POU6F2: variants seen among roughly 807,000 people sequenced by gnomAD.
The protein encoded by POU6F2 is POU domain, class 6, transcription factor 2.
In POU6F2, 31 loss-of-function variants were observed where a neutral mutation model predicts 71.3. The observed-to-expected ratio is 0.43, with a 90% CI of 0.33 to 0.59. The LOEUF (loss-of-function observed/expected upper bound fraction) is 0.59, where lower values mean the gene tolerates loss of function less well. Ranked by LOEUF, POU6F2 falls within the 20% of genes least tolerant of loss-of-function variation. The pLI, the probability that POU6F2 is intolerant of heterozygous loss-of-function variation, is 0.04. For missense variants in POU6F2, 783 were observed against 856.8 expected, an observed-to-expected ratio of 0.91 and a Z score of 1.07; for synonymous variants, 347 against 355.7, an observed-to-expected ratio of 0.98 and a Z score of 0.27.
intron 2 of POU6F2, among the ~76,000 whole-genome samples, chr7:39,109,674 A>C (rs1471491529): frequency 6.6e-6 from 1 of 152,226 alleles, no homozygotes; most frequent in African/African-American, 2.4e-5. Context: ...TGGTGGAATA[A>C]ATATTAGAGC....
chr7:39,219,855 C>CAT (rs147913750), intron 4 of POU6F2, among the ~76,000 whole-genome samples: 51 of 151,628 alleles, frequency 3.4e-4, no homozygotes, highest in South Asian at 1.0e-3. Context: ...CTTAGCAGAA[C>CAT]ATATATATAT....
intron 4 of POU6F2, among the ~76,000 whole-genome samples, chr7:39,251,202 A>G (rs1041718284): frequency 4.6e-5 from 7 of 152,278 alleles, no homozygotes; most frequent in African/African-American, 1.4e-4. Context: ...AATTCTTTTA[A>G]TGTTTCCCCT....
intron 1 of POU6F2, among the ~76,000 whole-genome samples, chr7:39,051,892 T>C (rs977384069): frequency 6.6e-6 from 1 of 152,148 alleles, no homozygotes; most frequent in African/African-American, 2.4e-5. Context: ...GCTGAGGGTG[T>C]CCTTGTCATG....
intron 4 of POU6F2, among the ~76,000 whole-genome samples, chr7:39,290,727 C>G (rs1784738744): frequency 6.6e-6 from 1 of 152,146 alleles, no homozygotes; most frequent in Admixed American, 6.5e-5. Context: ...TCCTGAGATG[C>G]TCTGCAGGAC....
rs370493665 is a variant in POU6F2, at chr7:39,158,736, T to C, written c.278-45499T>C. ...ACCAATTGGATGGTGCCCACCCACA[T>C]TGGATGAGGATGGATCTTCCTTACT... On this transcript the variant is annotated intron_variant, in intron 2 of 9. Coordinates refer to ENST00000518318, the MANE Select transcript of POU6F2 (RefSeq NM_001370959.1). 6.3e-4 allele frequency among the ~76,000 whole-genome samples: 96 copies of C among 152,304 alleles called. 2 individuals are homozygous for C. The South Asian group carries it at 0.02, about 32-fold the overall frequency.
intron 2 of POU6F2, among the ~76,000 whole-genome samples, chr7:39,190,417 TAA>T (rs57872350): frequency 0.33 from 19,498 of 58,842 alleles, 2,337 homozygotes; most frequent in Admixed American, 0.43. Flanking sequence ...CTCCTTTTCT[TAA>T]AAAAAAAAAA....
intron 1 of POU6F2, among the ~76,000 whole-genome samples, chr7:39,056,235 ATGT>A (rs1438526416): frequency 1.3e-5 from 2 of 151,952 alleles, no homozygotes; most frequent in Non-Finnish European, 2.9e-5. Flanking sequence ...GCCAGGATAG[ATGT>A]TGTATGTTGT....
chr7:39,349,638 T>C (rs944304212), intron 5 of POU6F2, among the ~76,000 whole-genome samples: 11 of 152,336 alleles, frequency 7.2e-5, no homozygotes, highest in African/African-American at 2.2e-4. Flanking sequence ...AAGCCAGGAC[T>C]AAGTCGTCTA....
chr7:39,328,844 A>G (rs751403697), intron 4 of POU6F2, among the ~76,000 whole-genome samples: 2 of 152,192 alleles, frequency 1.3e-5, no homozygotes, highest in Non-Finnish European at 2.9e-5. Flanking sequence ...CAGATAGGGC[A>G]TGGCCTCCGA....
chr7:39,185,544 T>A (rs763848046), intron 2 of POU6F2, among the ~76,000 whole-genome samples: 8 of 152,162 alleles, frequency 5.3e-5, no homozygotes, highest in Non-Finnish European at 1.2e-4. Context: ...TTCCCAAATA[T>A]CTTCTCTTGA....
intron 1 of POU6F2, among the ~76,000 whole-genome samples, chr7:38,991,071 TG>T (rs1178200591): frequency 6.6e-6 from 1 of 152,136 alleles, no homozygotes; most frequent in African/African-American, 2.4e-5. Flanking sequence ...GAGACTATGC[TG>T]CCCCCTGGTT....
intron 5 of POU6F2, among the ~76,000 whole-genome samples, chr7:39,392,495 A>G (rs1404627149): frequency 1.3e-5 from 2 of 152,088 alleles, no homozygotes; most frequent in African/African-American, 4.8e-5. Flanking sequence ...CCAACACCCC[A>G]CAGAACTCTG....
Position 39,299,996 on chromosome 7 carries a change from T to C in POU6F2, c.599-39646T>C, listed in dbSNP as rs1286500950. On this transcript the variant is annotated intron_variant, in intron 4 of 9. Coordinates refer to ENST00000518318, the MANE Select transcript of POU6F2 (RefSeq NM_001370959.1). ...AGCCCACTGTTTTTGTTTCCAGCAGTCCCAGTTAGGCCGCCTTACTTCCCA... is the reference window on the plus strand; with the variant it reads ...AGCCCACTGTTTTTGTTTCCAGCAGCCCCAGTTAGGCCGCCTTACTTCCCA... 2.0e-5 allele frequency among the ~76,000 whole-genome samples: 3 copies of C among 152,188 alleles called. No individual in the cohort carries two copies. In the East Asian group the frequency reaches 5.8e-4, roughly 29 times the overall value.
intron 2 of POU6F2, among the ~76,000 whole-genome samples, chr7:39,170,622 A>T (rs1207094407): frequency 1.3e-5 from 2 of 152,200 alleles, no homozygotes. Flanking sequence ...TTAACCATTT[A>T]AAATGACTTT....
At chr7:39,213,427 T>TA in intron 4 of POU6F2, among the ~76,000 whole-genome samples, 1 of 152,336 alleles carries the variant, frequency 6.6e-6, no homozygotes, top group South Asian at 2.1e-4. Flanking sequence ...ATCCTTTACA[T>TA]ACAAGAAAAT....
Position 39,241,463 on chromosome 7 carries a change from G to A in POU6F2, c.598+33843G>A, listed in dbSNP as rs1164682612. Among the ~76,000 whole-genome samples, 4 of 152,306 alleles carry A rather than the reference G, an allele frequency of 2.6e-5. No individual in the cohort carries two copies. The East Asian group carries it at 5.8e-4, about 22-fold the overall frequency. On this transcript the variant is annotated intron_variant, in intron 4 of 9. Transcript: ENST00000518318. ...GAAGATGTCACTGTGTGCTGGTGTG[G>A]TGAAGGTGTCACTCGGATAGTGGCA...
intron 5 of POU6F2, among the ~76,000 whole-genome samples, chr7:39,347,257 T>C (rs1264239767): frequency 1.3e-5 from 2 of 152,182 alleles, no homozygotes; most frequent in African/African-American, 4.8e-5. Flanking sequence ...GACAAACACA[T>C]GCACTCAAAG....
chr7:39,006,855 T>C (rs757905214), intron 1 of POU6F2: 1 of 1,613,688 alleles, frequency 6.2e-7, no homozygotes, highest in East Asian at 2.2e-5. Context: ...GGCAAATGAG[T>C]GCTCTTCTTC....
At chr7:39,068,506 T>TATATATATATATATATATAA (rs1249945435) in intron 1 of POU6F2, among the ~76,000 whole-genome samples, 1 of 151,592 alleles carries the variant, frequency 6.6e-6, no homozygotes, top group African/African-American at 2.4e-5. Flanking sequence ...TATATATATA[T>TATATATATATATATATATAA]AATTTTCATA....
Sources: allele counts gnomAD v4.1 joint callset (sites outside exome capture counted in the v4.1 genomes callset), GRCh38; gene constraint gnomAD v4.1.1; transcripts MANE v1.5; gene names NCBI Gene and HGNC (gene_info 2026-07-23, HGNC 2026-07-21).